DTNB: variants seen among roughly 807,000 people sequenced by gnomAD.
The protein encoded by DTNB is DTN-B.
A neutral mutation model predicts 90.7 loss-of-function variants in DTNB; 63 were observed. That is an observed-to-expected ratio of 0.69 (90% CI 0.57 to 0.86). The LOEUF (loss-of-function observed/expected upper bound fraction) is 0.86, where lower values mean the gene tolerates loss of function less well. DTNB is among the 40% of genes least tolerant of loss of function. The probability of loss-of-function intolerance (pLI) is 0.00; values close to 1 mark genes in which losing one functional copy is unlikely to be tolerated. For synonymous variants in DTNB, 277 were observed against 286.7 expected, an observed-to-expected ratio of 0.97 and a Z score of 0.34; for missense variants, 744 against 807.1, an observed-to-expected ratio of 0.92 and a Z score of 0.95.
chr2:25,539,268 G>T (rs1401900682), intron 8 of DTNB, among the ~76,000 whole-genome samples: 1 of 152,148 alleles, frequency 6.6e-6, no homozygotes, highest in East Asian at 1.9e-4. Flanking sequence ...TGGAATTACT[G>T]GCTCATAGTG....
At chr2:25,565,079 A>C (rs1482845413) in intron 8 of DTNB, among the ~76,000 whole-genome samples, 1 of 152,136 alleles carries the variant, frequency 6.6e-6, no homozygotes, top group Non-Finnish European at 1.5e-5. Flanking sequence ...CTTCCTTTTC[A>C]ATATGGATGC....
At chr2:25,452,833 C>T (rs1405426193) in intron 11 of DTNB, among the ~76,000 whole-genome samples, 40 of 150,444 alleles carry the variant, frequency 2.7e-4, no homozygotes, top group Non-Finnish European at 4.3e-4. Flanking sequence ...TTCGAGTCTT[C>T]GCCTATGACA....
intron 8 of DTNB, among the ~76,000 whole-genome samples, chr2:25,533,153 G>A (rs977397886): frequency 4.6e-5 from 7 of 151,944 alleles, no homozygotes; most frequent in African/African-American, 1.7e-4. Flanking sequence ...GCGAAACCCG[G>A]TCTCTACAAA....
At chr2:25,419,251 C>G (rs2048709688) in intron 16 of DTNB, 1 of 556,568 alleles carries the variant, frequency 1.8e-6, no homozygotes, top group South Asian at 2.4e-5. Context: ...GCAATGGTAG[C>G]CTGGCTAATC....
chr2:25,626,555 G>A (rs2074206184), intron 4 of DTNB, among the ~76,000 whole-genome samples: 1 of 152,156 alleles, frequency 6.6e-6, no homozygotes, highest in African/African-American at 2.4e-5. Flanking sequence ...TTTGAGCCCA[G>A]TAGTTAGACC....
Position 25,604,203 on chromosome 2 carries a change from C to A in DTNB, c.448+3033G>T, listed in dbSNP as rs111329400. On this transcript the variant is annotated intron_variant, in intron 5 of 20. Coordinates refer to ENST00000406818, the MANE Select transcript of DTNB (RefSeq NM_021907.5). The stretch of plus-strand genomic sequence containing the variant: ...ACTGCCGCCACCACCACCACCACCA[C>A]CAACAACAACAAAAAACTCAAGAAC... Among the ~76,000 whole-genome samples the A allele has an allele frequency of 4.3e-3, 647 of 152,096 alleles. 5 individuals are homozygous for A. Among genetic ancestry groups the A allele is most frequent in the African/African-American group, 0.013 (538 of 41,482 alleles).
chr2:25,458,327 G>A (rs1393989663), intron 10 of DTNB, among the ~76,000 whole-genome samples: 2 of 151,720 alleles, frequency 1.3e-5, no homozygotes, highest in African/African-American at 2.4e-5. Context: ...CTTAAAGAGC[G>A]TGTTTATGTA....
chr2:25,431,635 G>A (rs965708770), intron 14 of DTNB, among the ~76,000 whole-genome samples: 24 of 152,152 alleles, frequency 1.6e-4, no homozygotes, highest in African/African-American at 4.8e-4. Flanking sequence ...AGATCCTTCC[G>A]GCTTAACTGA....
At chr2:25,636,582 A>G (rs574829602) in intron 3 of DTNB, among the ~76,000 whole-genome samples, 1 of 151,048 alleles carries the variant, frequency 6.6e-6, no homozygotes, top group Non-Finnish European at 1.5e-5. Context: ...CATCACATAC[A>G]CACATATACA....
chr2:25,468,457 T>C (rs2062183095), intron 10 of DTNB, among the ~76,000 whole-genome samples: 1 of 152,154 alleles, frequency 6.6e-6, no homozygotes, highest in African/African-American at 2.4e-5. Flanking sequence ...GCTCCTCCAC[T>C]GGGTCTGAGT....
In DTNB at chr2:25,433,017, A is replaced by G; in HGVS notation, c.1344-18T>C. On this transcript the variant is annotated intron_variant, in intron 13 of 20. Transcript: ENST00000406818. Reference sequence around the variant, plus strand: ...GGATCTCTCTAGAGAGGATGGGTGAACGGAAAGGGGCTGCACAGTGCTTCT... The same window carrying G: ...GGATCTCTCTAGAGAGGATGGGTGAGCGGAAAGGGGCTGCACAGTGCTTCT... 6.3e-7 allele frequency: 1 copy of G among 1,586,016 alleles called. No individual in the cohort carries two copies. The highest frequency in any genetic ancestry group is 8.6e-7 in the Non-Finnish European group (1 of 1,167,822).
chr2:25,560,069 C>T (rs1453519814), intron 8 of DTNB, among the ~76,000 whole-genome samples: 3 of 152,126 alleles, frequency 2.0e-5, no homozygotes, highest in East Asian at 1.9e-4. Flanking sequence ...GCCAACACGG[C>T]GAAACCCCAT....
chr2:25,387,231 G>C lies in DTNB; in HGVS notation c.1825+58C>G. The C allele has an allele frequency of 1.3e-6, 2 of 1,551,276 alleles. No individual in the cohort carries two copies. The highest frequency in any genetic ancestry group is 1.8e-6 in the Non-Finnish European group (2 of 1,133,524). On this transcript the variant is annotated intron_variant, in intron 18 of 20. Coordinates refer to ENST00000406818, the MANE Select transcript of DTNB (RefSeq NM_021907.5). The surrounding 1 kb of genome is among the most constrained non-coding windows in gnomAD (Gnocchi z 4.5). ...TCTGCCGGTGCTGGCAAGGAAGTGA[G>C]AAGGGCGCGGGCAAGGCAGGGGAGG... is the stretch of plus-strand genomic sequence containing the variant.
chr2:25,631,864 T>C (rs12474148), intron 3 of DTNB, among the ~76,000 whole-genome samples: 68,215 of 151,840 alleles, frequency 0.45, 16,499 homozygotes, highest in East Asian at 0.77. Context: ...AGAGAATATG[T>C]TTTATTTTCA....
At chr2:25,662,947 A>G (rs973508531) in intron 1 of DTNB, among the ~76,000 whole-genome samples, 2 of 152,132 alleles carry the variant, frequency 1.3e-5, no homozygotes, top group African/African-American at 4.8e-5. Context: ...CAGAACGTGC[A>G]GGCTTGTTAC....
Position 25,552,435 on chromosome 2 carries a change from C to T in DTNB, c.877-20838G>A, listed in dbSNP as rs148504921. 1.6e-3 allele frequency among the ~76,000 whole-genome samples: 238 copies of T among 152,368 alleles called. 1 individual carries two copies. Among genetic ancestry groups the T allele is most frequent in the African/African-American group, 5.4e-3 (225 of 41,584 alleles). The stretch of plus-strand genomic sequence containing the variant: ...CAAGCTCCTATATACTCTACACCTG[C>T]CTGAGACACCTCCATCACCATGCTA... On this transcript the variant is annotated intron_variant, in intron 8 of 20. Coordinates refer to ENST00000406818, the MANE Select transcript of DTNB (RefSeq NM_021907.5).
chr2:25,596,052 C>A, intron 6 of DTNB, 34 bp downstream of exon 6: 1 of 1,541,266 alleles, frequency 6.5e-7, no homozygotes, highest in East Asian at 2.4e-5. Context: ...GAAGAGCGCT[C>A]TTCTAGCCCT....
At chr2:25,437,085 A>G (rs2056040959) in intron 12 of DTNB, among the ~76,000 whole-genome samples, 1 of 152,136 alleles carries the variant, frequency 6.6e-6, no homozygotes, top group Non-Finnish European at 1.5e-5. Flanking sequence ...ATGCAAATAT[A>G]AAGAAGTAGG....
At chr2:25,609,818 C>T (rs2068116637) in intron 4 of DTNB, among the ~76,000 whole-genome samples, 1 of 151,724 alleles carries the variant, frequency 6.6e-6, no homozygotes. Flanking sequence ...TGATTCAAAA[C>T]AGCCAGAATT....
Sources: allele counts gnomAD v4.1 joint callset (sites outside exome capture counted in the v4.1 genomes callset), GRCh38; gene constraint gnomAD v4.1.1; non-coding constraint Gnocchi (gnomAD v3.1); transcripts MANE v1.5; gene names NCBI Gene and HGNC (gene_info 2026-07-23, HGNC 2026-07-21).